Variants in BLTP3A observed in about 807,000 individuals in gnomAD.
The protein encoded by BLTP3A is ICBP90 binding protein 1.
the BLTP3A span, among the ~76,000 whole-genome samples, chr6:34,864,924 C>T: frequency 8.6e-5 from 13 of 152,032 alleles, no homozygotes; most frequent in Admixed American, 2.0e-4. Context: ...GCTGAGATTG[C>T]GCCACTGCAT....
the BLTP3A span, among the ~76,000 whole-genome samples, chr6:34,832,518 C>T: frequency 1.3e-5 from 2 of 151,742 alleles, no homozygotes; most frequent in Non-Finnish European, 2.9e-5. Context: ...TCACTGCAGC[C>T]TCAATCTCCT....
the BLTP3A span, chr6:34,875,380 C>T: frequency 6.6e-5 from 10 of 152,272 alleles, no homozygotes; most frequent in Middle Eastern, 3.4e-3. Flanking sequence ...AATTATTCCA[C>T]GTTAGGCTCA....
the BLTP3A span, among the ~76,000 whole-genome samples, chr6:34,825,318 CT>C: frequency 7.0e-6 from 1 of 142,306 alleles, no homozygotes; most frequent in Non-Finnish European, 1.5e-5. Flanking sequence ...TTTTTTTTTT[CT>C]TTTTTGAGAT....
At chr6:34,820,427 G>C in the BLTP3A span, among the ~76,000 whole-genome samples, 1 of 152,002 alleles carries the variant, frequency 6.6e-6, no homozygotes, top group Non-Finnish European at 1.5e-5. Context: ...GTCAGTTACT[G>C]TTGTCAAATC....
chr6:34,826,955 A>C, the BLTP3A span, among the ~76,000 whole-genome samples: 1 of 152,194 alleles, frequency 6.6e-6, no homozygotes, highest in African/African-American at 2.4e-5. Flanking sequence ...AACTGTGTAC[A>C]TTGAGTTTTC....
chr6:34,842,468 A>G, the BLTP3A span, among the ~76,000 whole-genome samples: 1 of 152,062 alleles, frequency 6.6e-6, no homozygotes, highest in East Asian at 1.9e-4. Context: ...TCTATTTTTG[A>G]TATTTGCCTA....
the BLTP3A span, among the ~76,000 whole-genome samples, chr6:34,844,643 G>A: frequency 1.3e-5 from 2 of 152,028 alleles, no homozygotes; most frequent in Non-Finnish European, 2.9e-5. Flanking sequence ...ATGCCTGTTT[G>A]CCATTTGTAT....
the BLTP3A span, among the ~76,000 whole-genome samples, chr6:34,815,628 C>T: frequency 1.3e-5 from 2 of 152,038 alleles, no homozygotes; most frequent in South Asian, 2.1e-4. Flanking sequence ...GGCAAAAATA[C>T]GTGTAATTAT....
chr6:34,859,115 C>G, the BLTP3A span: 2 of 1,614,164 alleles, frequency 1.2e-6, no homozygotes, highest in Non-Finnish European at 1.7e-6. Flanking sequence ...AAGTCTGATG[C>G]CTCATCAGAC....
the BLTP3A span, among the ~76,000 whole-genome samples, chr6:34,805,826 A>T: frequency 4.0e-5 from 6 of 151,898 alleles, no homozygotes; most frequent in Non-Finnish European, 2.9e-5. Flanking sequence ...CTATTATTTT[A>T]AAAATAATTT....
chr6:34,820,507 C>T, the BLTP3A span, among the ~76,000 whole-genome samples: 1 of 151,902 alleles, frequency 6.6e-6, no homozygotes, highest in Non-Finnish European at 1.5e-5. Flanking sequence ...TTGTCAGATG[C>T]CCTTTTGCTT....
the BLTP3A span, among the ~76,000 whole-genome samples, chr6:34,846,263 G>T: frequency 9.2e-5 from 14 of 151,460 alleles, no homozygotes; most frequent in Admixed American, 8.6e-4. Flanking sequence ...TCCTGCCTCA[G>T]CCTCTGGAGT....
chr6:34,860,423 A>C, the BLTP3A span, among the ~76,000 whole-genome samples: 222 of 152,322 alleles, frequency 1.5e-3, no homozygotes, highest in African/African-American at 5.0e-3. Flanking sequence ...TGGTATAAAA[A>C]CAGTGCATTT....
the BLTP3A span, chr6:34,792,396 G>A: frequency 3.4e-6 from 4 of 1,189,502 alleles, no homozygotes; most frequent in East Asian, 3.1e-5. Context: ...CCTCTCTCCA[G>A]CCCGGAGCCC....
the BLTP3A span, among the ~76,000 whole-genome samples, chr6:34,800,335 T>C: frequency 6.6e-6 from 1 of 152,234 alleles, no homozygotes; most frequent in Non-Finnish European, 1.5e-5. Context: ...CACTGTAATG[T>C]GTCCTCCAAA....
At chr6:34,808,301 G>A in the BLTP3A span, among the ~76,000 whole-genome samples, 1 of 126,840 alleles carries the variant, frequency 7.9e-6, no homozygotes, top group African/African-American at 3.2e-5. Context: ...AGTCGAGATC[G>A]CTCCGTTGCA....
the BLTP3A span, among the ~76,000 whole-genome samples, chr6:34,807,354 T>C: frequency 6.6e-6 from 1 of 152,180 alleles, no homozygotes; most frequent in Non-Finnish European, 1.5e-5. Flanking sequence ...ATAGAGTCAC[T>C]GAGGAGCTCT....
chr6:34,849,695 C>T, the BLTP3A span, among the ~76,000 whole-genome samples: 8 of 152,068 alleles, frequency 5.3e-5, no homozygotes. Context: ...TCTTATTGCT[C>T]GTTAACGTCC....
At chr6:34,859,006 A>G in the BLTP3A span, 11 of 1,614,144 alleles carry the variant, frequency 6.8e-6, no homozygotes, top group Non-Finnish European at 9.3e-6. Context: ...GGCTCTGCTT[A>G]TGCATCCTGC....
Sources: allele counts gnomAD v4.1 joint callset (sites outside exome capture counted in the v4.1 genomes callset), GRCh38; gene constraint gnomAD v4.1.1; transcripts MANE v1.5; gene names NCBI Gene and HGNC (gene_info 2026-07-23, HGNC 2026-07-21).